The following ULK4 variants were observed in gnomAD, a reference collection of about 807,000 sequenced individuals.
The protein encoded by ULK4 is unc-51 like kinase 4.
Under a neutral mutation model 160.6 loss-of-function variants are expected in ULK4, and 133 were observed. The ratio of observed to expected loss-of-function variants is 0.83; its 90% CI spans 0.72 to 0.96. The LOEUF (loss-of-function observed/expected upper bound fraction) is 0.96, where lower values mean the gene tolerates loss of function less well. Ranked by LOEUF, ULK4 falls within the 40% of genes least tolerant of loss-of-function variation. ULK4 has a pLI of 0.00. For missense variants in ULK4, 1,580 were observed against 1,499.5 expected (o/e 1.05, Z -0.89); for synonymous variants, 534 against 539.8 (o/e 0.99, Z 0.15).
intron 34 of ULK4, among the ~76,000 whole-genome samples, chr3:41,420,730 C>T (rs1455325565): frequency 1.3e-5 from 2 of 151,318 alleles, no homozygotes; most frequent in African/African-American, 4.9e-5. Flanking sequence ...GGTGATCCGC[C>T]TCCCTCGGCC....
At position 41,859,665 on chromosome 3, in the gene ULK4, T is replaced by C. The variant is rs895611656; in HGVS notation, c.1657-23694A>G. 7 of 412,998 alleles carry C rather than the reference T, an allele frequency of 1.7e-5. No homozygotes were observed. In the East Asian group the frequency reaches 4.5e-4, roughly 26 times the overall value. 25.6% of individuals were successfully genotyped at this position (412,998 alleles called of 1,614,324 possible). A position where few individuals can be genotyped will look rare whatever the true frequency, so the allele number is the denominator to read the frequency against. On this transcript the variant is annotated intron_variant, in intron 17 of 36. Transcript: ENST00000301831. ...CAAATTCCTTCTTTTTTGTTTGTTT[T>C]GTTTGTTTTTTAGACAGAGTCTCAC...
intron 21 of ULK4, among the ~76,000 whole-genome samples, chr3:41,788,260 T>G (rs905107965): frequency 2.6e-5 from 4 of 152,328 alleles, no homozygotes; most frequent in Admixed American, 1.3e-4. Context: ...TAAGTTTCAT[T>G]ATAAAAACCA....
At chr3:41,704,927 A>AG (rs1358256480) in intron 27 of ULK4, 130 bp downstream of exon 27, 2 of 614,006 alleles carry the variant, frequency 3.3e-6, no homozygotes, top group Non-Finnish European at 5.4e-6. Flanking sequence ...CTGCCAGGGT[A>AG]GGGGGGTTCT....
At chr3:41,833,461 A>C (rs2041659200) in intron 18 of ULK4, among the ~76,000 whole-genome samples, 1 of 151,736 alleles carries the variant, frequency 6.6e-6, no homozygotes, top group South Asian at 2.1e-4. Flanking sequence ...ATGCCTGGCT[A>C]ATTTTTTTGT....
At chr3:41,772,969 C>A (rs536344336) in intron 21 of ULK4, among the ~76,000 whole-genome samples, 1 of 152,276 alleles carries the variant, frequency 6.6e-6, no homozygotes, top group African/African-American at 2.4e-5. Flanking sequence ...AAGACAAAAA[C>A]CACATGATTA....
chr3:41,567,578 G>GT (rs1323964082), intron 31 of ULK4, among the ~76,000 whole-genome samples: 1 of 150,868 alleles, frequency 6.6e-6, no homozygotes, highest in African/African-American at 2.4e-5. Context: ...TCCTGAGTAG[G>GT]TGGGACTACA....
intron 35 of ULK4, among the ~76,000 whole-genome samples, chr3:41,305,509 C>T (rs1192403265): frequency 2.6e-5 from 4 of 152,368 alleles, no homozygotes; most frequent in African/African-American, 7.2e-5. Flanking sequence ...GACGGAGTCT[C>T]GTTCACTCAG....
chr3:41,608,461 T>C (rs998672059), intron 31 of ULK4, among the ~76,000 whole-genome samples: 1 of 152,214 alleles, frequency 6.6e-6, no homozygotes, highest in African/African-American at 2.4e-5. Flanking sequence ...CCTGTGTTAC[T>C]GAGTAATTTC....
intron 18 of ULK4, among the ~76,000 whole-genome samples, chr3:41,829,860 G>A (rs1296916161): frequency 6.8e-5 from 10 of 147,064 alleles, no homozygotes; most frequent in East Asian, 1.9e-4. Flanking sequence ...TGTTTATTGC[G>A]GCATTATTCA....
intron 22 of ULK4, among the ~76,000 whole-genome samples, chr3:41,751,586 T>C (rs2038631223): frequency 6.6e-6 from 1 of 152,204 alleles, no homozygotes; most frequent in African/African-American, 2.4e-5. Context: ...TTCCCACCAC[T>C]GCTTCAGCTT....
intron 31 of ULK4, 48 bp downstream of exon 31, chr3:41,615,621 C>T (rs760504340): frequency 1.3e-6 from 2 of 1,585,138 alleles, no homozygotes; most frequent in Non-Finnish European, 1.7e-6. Context: ...AAAATCTTTA[C>T]AATTTCAAAA....
chr3:41,485,723 C>A (rs1049840015), intron 32 of ULK4, among the ~76,000 whole-genome samples: 6 of 152,052 alleles, frequency 3.9e-5, no homozygotes, highest in African/African-American at 1.4e-4. Flanking sequence ...CAGCAGGGAG[C>A]GCATTTCATT....
intron 32 of ULK4, among the ~76,000 whole-genome samples, chr3:41,490,935 A>G (rs1163814707): frequency 2.6e-5 from 4 of 152,216 alleles, no homozygotes; most frequent in Non-Finnish European, 5.9e-5. Flanking sequence ...TAAGGAAAAC[A>G]GACAAAGATG....
chr3:41,615,740 A>T lies in ULK4; in HGVS notation c.3072-23T>A, dbSNP rs371219065. 5.4e-5 allele frequency: 86 copies of T among 1,606,842 alleles called. No individual in the cohort carries two copies. The Middle Eastern group carries it at 6.7e-4, about 12-fold the overall frequency. ...AGTCTGTTAAAAACAAGAAAAAAAG[A>T]TAAGTGCACATTAGACAATTCATAT... On this transcript the variant is annotated intron_variant, in intron 30 of 36. Transcript: ENST00000301831.
At chr3:41,804,980 C>A (rs1182747503) in intron 19 of ULK4, among the ~76,000 whole-genome samples, 1 of 151,978 alleles carries the variant, frequency 6.6e-6, no homozygotes, top group Non-Finnish European at 1.5e-5. Context: ...TTTTTTGGTT[C>A]CATATGAAAT....
chr3:41,574,839 C>T (rs2088132796), intron 31 of ULK4, among the ~76,000 whole-genome samples: 1 of 152,126 alleles, frequency 6.6e-6, no homozygotes, highest in South Asian at 2.1e-4. Context: ...AGCCACTGCG[C>T]CAGGCCCCAG....
chr3:41,267,486 G>A (rs140454342), intron 35 of ULK4, among the ~76,000 whole-genome samples: 1 of 152,142 alleles, frequency 6.6e-6, no homozygotes, highest in African/African-American at 2.4e-5. Flanking sequence ...GTGTGCATGT[G>A]TCTCTATAGT....
At chr3:41,807,135 T>A (rs7647561) in intron 19 of ULK4, among the ~76,000 whole-genome samples, 44,309 of 151,382 alleles carry the variant, frequency 0.29, 8,993 homozygotes, top group African/African-American at 0.58. Flanking sequence ...CTCAAAAAAA[T>A]AAAAAAATTT....
intron 30 of ULK4, among the ~76,000 whole-genome samples, chr3:41,659,718 C>T (rs1035091786): frequency 6.6e-6 from 1 of 150,988 alleles, no homozygotes. Flanking sequence ...TACATCAATA[C>T]ATTTATAGGA....
Sources: gnomAD v4.1 joint callset for allele counts (sites outside exome capture counted in the v4.1 genomes callset) on GRCh38, gnomAD v4.1.1 for gene constraint, MANE v1.5 for transcripts, NCBI Gene and HGNC (gene_info 2026-07-23, HGNC 2026-07-21) for gene names.